Variants in IL1RAPL1 observed in about 807,000 individuals in gnomAD.
IL1RAPL1 encodes interleukin 1 receptor accessory protein like 1.
Under a neutral mutation model 48.4 loss-of-function variants are expected in IL1RAPL1, and 3 were observed. The ratio of observed to expected loss-of-function variants is 0.06; its 90% CI spans 0.03 to 0.16. IL1RAPL1 has a LOEUF of 0.16. Ranked by LOEUF, IL1RAPL1 falls within the 10% of genes least tolerant of loss-of-function variation. The pLI, the probability that IL1RAPL1 is intolerant of heterozygous loss-of-function variation, is 1.00. For missense variants in IL1RAPL1, 349 were observed against 530.6 expected (o/e 0.66, Z 3.36); for synonymous variants, 185 against 187.7 (o/e 0.99, Z 0.12).
At chrX:29,379,082 C>T (rs989914634) in intron 3 of IL1RAPL1, among the ~76,000 whole-genome samples, 1 of 112,330 alleles carries the variant, frequency 8.9e-6, no homozygotes, top group Non-Finnish European at 1.9e-5. Flanking sequence ...GAACTGTGCA[C>T]CACAGCCTTG....
At chrX:29,782,100 GTCTATCTATCTATCTA>G (rs57978861) in intron 6 of IL1RAPL1, among the ~76,000 whole-genome samples, 1 of 83,990 alleles carries the variant, frequency 1.2e-5, no homozygotes, top group Non-Finnish European at 2.3e-5. Context: ...CTGTCTGTCT[GTCTATCTATCTATCTA>G]TCTATCTATC....
chrX:29,058,060 A>G (rs1429435597), intron 2 of IL1RAPL1, among the ~76,000 whole-genome samples: 1 of 111,331 alleles, frequency 9.0e-6, no homozygotes, highest in Non-Finnish European at 1.9e-5. Context: ...TCCATGAAAA[A>G]TGACTGAAAT....
intron 2 of IL1RAPL1, among the ~76,000 whole-genome samples, chrX:29,108,055 T>C (rs1359759599): frequency 8.9e-6 from 1 of 112,058 alleles, no homozygotes; most frequent in Non-Finnish European, 1.9e-5. Flanking sequence ...AACAGAATGT[T>C]ACCAGGACCC....
chrX:28,907,030 G>GT (rs1031556465), intron 2 of IL1RAPL1, among the ~76,000 whole-genome samples: 49 of 106,853 alleles, frequency 4.6e-4, no homozygotes, highest in Non-Finnish European at 6.4e-4. Flanking sequence ...AAGTAACCAG[G>GT]TTTTTTTTTT....
intron 2 of IL1RAPL1, among the ~76,000 whole-genome samples, chrX:29,008,833 C>A (rs1049256904): frequency 1.8e-5 from 2 of 110,890 alleles, no homozygotes; most frequent in East Asian, 2.9e-4. Context: ...TCCCTCCCCC[C>A]ACAATAGTCC....
At chrX:29,494,639 A>G (rs1055712328) in intron 5 of IL1RAPL1, among the ~76,000 whole-genome samples, 6 of 112,113 alleles carry the variant, frequency 5.4e-5, no homozygotes, top group African/African-American at 1.6e-4. Context: ...GTTTCTTTTA[A>G]TATCTAGACT....
Position 28,768,037 on chromosome X carries a change from C to T in IL1RAPL1, c.-24-21283C>T, listed in dbSNP as rs192104316. Among the ~76,000 whole-genome samples, 18 of 111,133 alleles carry T rather than the reference C, an allele frequency of 1.6e-4. 1 individual carries two copies. The East Asian group carries it at 4.2e-3, about 26-fold the overall frequency. On this transcript the variant is annotated intron_variant, in intron 1 of 10. Coordinates refer to ENST00000378993, the MANE Select transcript of IL1RAPL1 (RefSeq NM_014271.4). Reference sequence around the variant, plus strand: ...GAATAAATCCCTTGCTGTATTTTTACGTGTTGTATTTATAAAGATATAATG... The same window carrying T: ...GAATAAATCCCTTGCTGTATTTTTATGTGTTGTATTTATAAAGATATAATG...
chrX:29,724,762 A>G (rs1461581010), intron 6 of IL1RAPL1, among the ~76,000 whole-genome samples: 1 of 111,577 alleles, frequency 9.0e-6, no homozygotes, highest in Admixed American at 9.5e-5. Context: ...TAATTATAGA[A>G]CCTACTGAAT....
intron 1 of IL1RAPL1, among the ~76,000 whole-genome samples, chrX:28,654,396 T>TA (rs960669662): frequency 8.1e-5 from 9 of 111,036 alleles, no homozygotes; most frequent in Non-Finnish European, 1.5e-4. Context: ...TTACTTTAAA[T>TA]AAAAAAAACC....
chrX:29,725,051 A>G (rs1348939488), intron 6 of IL1RAPL1, among the ~76,000 whole-genome samples: 2 of 111,073 alleles, frequency 1.8e-5, no homozygotes, highest in Non-Finnish European at 3.8e-5. Context: ...TCAACTCTGA[A>G]TTACATAATT....
chrX:29,419,183 A>G (rs1479101713), intron 5 of IL1RAPL1, among the ~76,000 whole-genome samples: 1 of 111,940 alleles, frequency 8.9e-6, no homozygotes, highest in African/African-American at 3.3e-5. Flanking sequence ...GAAGGACTGA[A>G]ACAAAGGCCA....
At chrX:29,105,160 A>G (rs1411676145) in intron 2 of IL1RAPL1, among the ~76,000 whole-genome samples, 1 of 112,012 alleles carries the variant, frequency 8.9e-6, no homozygotes, top group Non-Finnish European at 1.9e-5. Context: ...AGACATTGGA[A>G]TTGAATGGCT....
At chrX:29,454,705 A>G (rs973581329) in intron 5 of IL1RAPL1, among the ~76,000 whole-genome samples, 2 of 111,431 alleles carry the variant, frequency 1.8e-5, no homozygotes, top group African/African-American at 6.5e-5. Flanking sequence ...CAGCAAAGCT[A>G]TATGGGGAAT....
At chrX:29,766,360 T>TATATATAG (rs1555918119) in intron 6 of IL1RAPL1, among the ~76,000 whole-genome samples, 1 of 72,797 alleles carries the variant, frequency 1.4e-5, no homozygotes, top group Non-Finnish European at 2.5e-5. Context: ...TATATATATA[T>TATATATAG]ATAGATAGAT....
intron 2 of IL1RAPL1, among the ~76,000 whole-genome samples, chrX:29,216,459 T>C (rs1171266543): frequency 9.0e-6 from 1 of 111,347 alleles, no homozygotes; most frequent in Non-Finnish European, 1.9e-5. Flanking sequence ...CCTCCAAAAG[T>C]GCTGGAATTA....
chrX:29,467,612 T>C (rs1890771648), intron 5 of IL1RAPL1, among the ~76,000 whole-genome samples: 1 of 112,093 alleles, frequency 8.9e-6, no homozygotes, highest in African/African-American at 3.2e-5. Context: ...GAGTACCACG[T>C]AGTACCTGGA....
intron 6 of IL1RAPL1, among the ~76,000 whole-genome samples, chrX:29,723,632 A>G (rs6630946): frequency 0.35 from 38,722 of 110,479 alleles, 5,032 homozygotes; most frequent in East Asian, 0.63. Context: ...CAATGTGATT[A>G]ATGCTAAGAT....
At chrX:29,182,909 G>T (rs944391045) in intron 2 of IL1RAPL1, among the ~76,000 whole-genome samples, 1 of 111,137 alleles carries the variant, frequency 9.0e-6, no homozygotes, top group Admixed American at 9.6e-5. Flanking sequence ...AGTCAGAGAG[G>T]ATGAGATAGA....
At chrX:29,835,915 T>TAA (rs1417507478) in intron 6 of IL1RAPL1, among the ~76,000 whole-genome samples, 14 of 100,947 alleles carry the variant, frequency 1.4e-4, no homozygotes, top group Non-Finnish European at 2.6e-4. Flanking sequence ...TTAGTCTAGG[T>TAA]AAAGGGTTGT....
Sources: allele counts gnomAD v4.1 joint callset (sites outside exome capture counted in the v4.1 genomes callset), GRCh38; gene constraint gnomAD v4.1.1; transcripts MANE v1.5; gene names NCBI Gene and HGNC (gene_info 2026-07-23, HGNC 2026-07-21).